Variants in GRID2 observed in about 807,000 individuals in gnomAD.
GRID2 encodes glutamate receptor ionotropic, delta-2.
GRID2 carries 33 observed loss-of-function variants against 114.8 expected under a neutral mutation model. The observed-to-expected ratio is 0.29, with a 90% CI of 0.22 to 0.38. The LOEUF is 0.38. GRID2 is among the 10% of genes least tolerant of loss of function. The pLI is 1.00. For synonymous variants in GRID2, 505 were observed against 449.9 expected (o/e 1.12, Z -1.55); for missense variants, 1,184 against 1,257.7 (o/e 0.94, Z 0.89).
At chr4:92,555,573 G>T (rs1726810754) in intron 1 of GRID2, among the ~76,000 whole-genome samples, 1 of 152,132 alleles carries the variant, frequency 6.6e-6, no homozygotes, top group South Asian at 2.1e-4. Context: ...AAGAAAAATA[G>T]AGAAAAACTT....
Position 93,214,430 on chromosome 4 carries a change from G to A in GRID2, c.790-2308G>A, listed in dbSNP as rs193139800. 2.2e-3 allele frequency among the ~76,000 whole-genome samples: 327 copies of A among 152,014 alleles called. 1 individual carries two copies. The highest frequency in any genetic ancestry group is 3.3e-3 in the Non-Finnish European group (227 of 67,908). On this transcript the variant is annotated intron_variant, in intron 5 of 15. Coordinates refer to ENST00000282020, the MANE Select transcript of GRID2 (RefSeq NM_001510.4). The stretch of plus-strand genomic sequence containing the variant: ...TCTCGAAATGCCCCTTTTGAAATGC[G>A]CAAGTAAAGTTCCGTAAATATAAAA...
At chr4:92,546,813 A>C (rs1726286386) in intron 1 of GRID2, among the ~76,000 whole-genome samples, 1 of 152,178 alleles carries the variant, frequency 6.6e-6, no homozygotes, top group Admixed American at 6.5e-5. Flanking sequence ...GTAATTATTA[A>C]TATGTTCAGT....
chr4:93,293,243 T>G lies in GRID2; in HGVS notation c.1245+54753T>G, dbSNP rs527684952. On this transcript the variant is annotated intron_variant, in intron 8 of 15. Coordinates refer to ENST00000282020, the MANE Select transcript of GRID2 (RefSeq NM_001510.4). ...TGGAGTCACTAAGTCACTACTGTGC[T>G]GGTGTTCTCCACCAGTCACAGGAGC... Among the ~76,000 whole-genome samples the G allele has an allele frequency of 6.0e-4, 92 of 152,300 alleles. 1 individual carries two copies. The highest frequency in any genetic ancestry group is 2.2e-3 in the African/African-American group (91 of 41,576).
rs1027863087 is a variant in GRID2 at position 92,709,595 on chromosome 4, T to A, written c.244+119309T>A. ...GAGAAAAAAAAAAAAAAAAAATATATATATATATATATATGTAATTTGATC... is the reference window on the plus strand; with the variant it reads ...GAGAAAAAAAAAAAAAAAAAATATAAATATATATATATATGTAATTTGATC... On this transcript the variant is annotated intron_variant, in intron 2 of 15. Coordinates refer to ENST00000282020, the MANE Select transcript of GRID2 (RefSeq NM_001510.4). Among the ~76,000 whole-genome samples the A allele has an allele frequency of 1.3e-3, 180 of 137,064 alleles. 1 individual carries two copies. The highest frequency in any genetic ancestry group is 3.3e-3 in the African/African-American group (126 of 37,728). The allele number at this position is 137,064 out of a possible 152,430, so 89.9% of individuals were successfully genotyped here.
At chr4:93,786,103 G>A (rs886306343) in intron 1 of GRID2, among the ~76,000 whole-genome samples, 4 of 152,230 alleles carry the variant, frequency 2.6e-5, no homozygotes, top group South Asian at 2.1e-4. Flanking sequence ...CAGATGTGAA[G>A]AGAAGAGAGT....
At chr4:93,286,698 T>G (rs763808987) in intron 8 of GRID2, among the ~76,000 whole-genome samples, 9,344 of 144,620 alleles carry the variant, frequency 0.065, 513 homozygotes, top group African/African-American at 0.17. Flanking sequence ...TGTGGGGGTG[T>G]GTGTGTGTGT....
intron 1 of GRID2, among the ~76,000 whole-genome samples, chr4:92,455,583 A>G (rs1210450796): frequency 2.0e-5 from 3 of 152,012 alleles, no homozygotes; most frequent in African/African-American, 7.2e-5. Flanking sequence ...CGTTCTGGTG[A>G]GCAGGAATAG....
intron 10 of GRID2, among the ~76,000 whole-genome samples, chr4:93,437,950 A>G (rs1721255935): frequency 6.6e-6 from 1 of 152,138 alleles, no homozygotes; most frequent in African/African-American, 2.4e-5. Context: ...AAATGGGCAT[A>G]TATACAATCT....
intron 1 of GRID2, among the ~76,000 whole-genome samples, chr4:92,354,626 A>G (rs1419046044): frequency 6.6e-6 from 1 of 151,974 alleles, no homozygotes; most frequent in Non-Finnish European, 1.5e-5. Flanking sequence ...TGTTGGAGAC[A>G]TAGATTTTAT....
intron 2 of GRID2, among the ~76,000 whole-genome samples, chr4:92,946,498 CA>C (rs935918517): frequency 9.2e-5 from 14 of 152,032 alleles, no homozygotes; most frequent in African/African-American, 3.1e-4. Flanking sequence ...TCTTCCCCCC[CA>C]AAATTATATT....
At chr4:93,369,092 T>C (rs1762622839) in intron 8 of GRID2, among the ~76,000 whole-genome samples, 1 of 152,190 alleles carries the variant, frequency 6.6e-6, no homozygotes, top group Non-Finnish European at 1.5e-5. Flanking sequence ...CTCACAGTTT[T>C]GGAGGCCAAA....
chr4:92,671,462 C>T (rs1733068456), intron 2 of GRID2, among the ~76,000 whole-genome samples: 1 of 152,134 alleles, frequency 6.6e-6, no homozygotes, highest in African/African-American at 2.4e-5. Context: ...TGGGAAACTA[C>T]ATTCAGGCTT....
At chr4:92,447,814 A>G (rs1733550083) in intron 1 of GRID2, among the ~76,000 whole-genome samples, 1 of 152,166 alleles carries the variant, frequency 6.6e-6, no homozygotes, top group Non-Finnish European at 1.5e-5. Context: ...TCCAGTGATG[A>G]GGGCTCTGCC....
At chr4:92,913,483 T>C (rs185384750) in intron 2 of GRID2, among the ~76,000 whole-genome samples, 2 of 152,028 alleles carry the variant, frequency 1.3e-5, no homozygotes, top group African/African-American at 2.4e-5. Flanking sequence ...ATATAACTTT[T>C]ATCTGAACTC....
At chr4:93,352,193 G>A (rs972109115) in intron 8 of GRID2, among the ~76,000 whole-genome samples, 2 of 151,976 alleles carry the variant, frequency 1.3e-5, no homozygotes, top group Non-Finnish European at 2.9e-5. Flanking sequence ...AGAGGGACAG[G>A]TGGAGATCAT....
chr4:93,760,570 G>A (rs997511015), intron 14 of GRID2, among the ~76,000 whole-genome samples: 1 of 152,124 alleles, frequency 6.6e-6, no homozygotes, highest in Non-Finnish European at 1.5e-5. Flanking sequence ...GTGGGGAGCT[G>A]GGCAGACCAC....
rs114822704 is a variant in GRID2 at position 93,291,576 on chromosome 4, G to C, written c.1245+53086G>C. Among the ~76,000 whole-genome samples the C allele has an allele frequency of 6.0e-3, 906 of 152,234 alleles. 6 individuals are homozygous for C. The highest frequency in any genetic ancestry group is 0.01 in the Non-Finnish European group (710 of 68,020). Reference sequence around the variant, plus strand: ...GTGTGGCAACTAAGATAAACTACTAGTGGGCTTTTTAACACTGATAAAGAT... The same window carrying C: ...GTGTGGCAACTAAGATAAACTACTACTGGGCTTTTTAACACTGATAAAGAT... On this transcript the variant is annotated intron_variant, in intron 8 of 15. Coordinates refer to ENST00000282020, the MANE Select transcript of GRID2 (RefSeq NM_001510.4).
At chr4:93,564,791 G>T (rs552933272) in intron 13 of GRID2, among the ~76,000 whole-genome samples, 1 of 152,164 alleles carries the variant, frequency 6.6e-6, no homozygotes, top group South Asian at 2.1e-4. Flanking sequence ...ATAAAGAAGG[G>T]TTTGTGAAAT....
chr4:93,537,646 T>C (rs1732224762), intron 13 of GRID2, among the ~76,000 whole-genome samples: 1 of 151,798 alleles, frequency 6.6e-6, no homozygotes, highest in Non-Finnish European at 1.5e-5. Flanking sequence ...TTACATTTGA[T>C]TGAAAGGAAA....
Sources: gnomAD v4.1 joint callset for allele counts (sites outside exome capture counted in the v4.1 genomes callset) on GRCh38, gnomAD v4.1.1 for gene constraint, MANE v1.5 for transcripts, NCBI Gene and HGNC (gene_info 2026-07-23, HGNC 2026-07-21) for gene names.